The following NLGN1 variants were observed in gnomAD, a reference collection of about 807,000 sequenced individuals.
NLGN1 encodes the protein neuroligin 1.
NLGN1 carries 12 observed loss-of-function variants against 65.5 expected under a neutral mutation model. That is an observed-to-expected ratio of 0.18 (90% confidence interval 0.12 to 0.30). The LOEUF is 0.30. NLGN1 is among the 10% of genes least tolerant of loss of function. The pLI, the probability that NLGN1 is intolerant of heterozygous loss-of-function variation, is 1.00. For synonymous variants in NLGN1, 350 were observed against 359.5 expected (o/e 0.97, Z 0.30); for missense variants, 750 against 1,007.1 (o/e 0.74, Z 3.46).
intron 4 of NLGN1, among the ~76,000 whole-genome samples, chr3:173,976,091 C>T (rs982221223): frequency 6.6e-6 from 1 of 152,014 alleles, no homozygotes; most frequent in Non-Finnish European, 1.5e-5. Flanking sequence ...GTGGAGATAA[C>T]ATAAATATTC....
chr3:174,242,261 C>A (rs1743023270), intron 4 of NLGN1, among the ~76,000 whole-genome samples: 1 of 151,918 alleles, frequency 6.6e-6, no homozygotes, highest in African/African-American at 2.4e-5. Context: ...AGGCCATGGA[C>A]CGTGCCAGTC....
At chr3:173,737,785 C>A (rs534886909) in intron 3 of NLGN1, among the ~76,000 whole-genome samples, 1 of 152,076 alleles carries the variant, frequency 6.6e-6, no homozygotes, top group African/African-American at 2.4e-5. Context: ...AGTAAAAGTG[C>A]TGCACCATAT....
intron 4 of NLGN1, among the ~76,000 whole-genome samples, chr3:173,930,927 G>T (rs1743970210): frequency 6.6e-6 from 1 of 152,130 alleles, no homozygotes; most frequent in African/African-American, 2.4e-5. Context: ...CCTATAAAGA[G>T]AAAATAGTAC....
rs189968798 is a variant in NLGN1 at position 173,560,100 on chromosome 3, C to T, written c.-320-44179C>T. On this transcript the variant is annotated intron_variant, in intron 2 of 6. Transcript: ENST00000457714. ...CTGGGACTACAGGCGCCTGCCACCACGCCTGGCTAATTTTTTGTATTTTTA... is the reference window on the plus strand; with the variant it reads ...CTGGGACTACAGGCGCCTGCCACCATGCCTGGCTAATTTTTTGTATTTTTA... Among the ~76,000 whole-genome samples the T allele has an allele frequency of 2.8e-3, 421 of 152,106 alleles. 2 individuals carry two copies. The highest frequency in any genetic ancestry group is 9.7e-3 in the African/African-American group (401 of 41,530).
chr3:173,634,406 T>A (rs1239026996), intron 3 of NLGN1, among the ~76,000 whole-genome samples: 1 of 152,160 alleles, frequency 6.6e-6, no homozygotes, highest in African/African-American at 2.4e-5. Flanking sequence ...CTGTGCCTCA[T>A]GTAATATGTT....
At chr3:174,256,269 A>G (rs186766644) in intron 4 of NLGN1, among the ~76,000 whole-genome samples, 1 of 152,364 alleles carries the variant, frequency 6.6e-6, no homozygotes, top group African/African-American at 2.4e-5. Context: ...CAACTTGTCA[A>G]GAGCGCCAAT....
chr3:174,219,067 A>T (rs1388753439), intron 4 of NLGN1, among the ~76,000 whole-genome samples: 1 of 152,102 alleles, frequency 6.6e-6, no homozygotes, highest in African/African-American at 2.4e-5. Flanking sequence ...ACCCAAGTGT[A>T]TTTCAGGCAA....
At chr3:173,442,894 A>G (rs958063401) in intron 2 of NLGN1, among the ~76,000 whole-genome samples, 9 of 152,178 alleles carry the variant, frequency 5.9e-5, no homozygotes, top group African/African-American at 1.9e-4. Flanking sequence ...CACATATTAC[A>G]TATATCTTTT....
At chr3:173,456,152 C>T (rs188664378) in intron 2 of NLGN1, among the ~76,000 whole-genome samples, 3 of 152,176 alleles carry the variant, frequency 2.0e-5, no homozygotes, top group South Asian at 2.1e-4. Context: ...ACCAGATATT[C>T]GGGCACACTT....
intron 3 of NLGN1, among the ~76,000 whole-genome samples, chr3:173,714,131 T>A (rs1769452892): frequency 6.6e-6 from 1 of 152,172 alleles, no homozygotes; most frequent in South Asian, 2.1e-4. Context: ...TATAACAGCG[T>A]CTTTTGAAAA....
chr3:173,403,906 A>G (rs1577295019), intron 1 of NLGN1, among the ~76,000 whole-genome samples: 1 of 152,106 alleles, frequency 6.6e-6, no homozygotes, highest in African/African-American at 2.4e-5. Flanking sequence ...GAATGAATGT[A>G]TGTTTGGAAA....
chr3:174,140,489 A>G (rs1013102463), intron 4 of NLGN1, among the ~76,000 whole-genome samples: 1 of 152,166 alleles, frequency 6.6e-6, no homozygotes, highest in Non-Finnish European at 1.5e-5. Flanking sequence ...AAACCCTAGG[A>G]GACAGGGAAT....
intron 4 of NLGN1, among the ~76,000 whole-genome samples, chr3:173,925,870 G>A (rs2152274044): frequency 6.6e-6 from 1 of 152,030 alleles, no homozygotes; most frequent in Admixed American, 6.6e-5. Context: ...TTAAAAAGTT[G>A]ATTATTTTAA....
intron 4 of NLGN1, among the ~76,000 whole-genome samples, chr3:174,023,384 C>T (rs912918105): frequency 1.4e-4 from 22 of 152,244 alleles, no homozygotes; most frequent in African/African-American, 3.9e-4. Flanking sequence ...ATATATGTAA[C>T]GCTTTTTGGT....
At chr3:173,767,782 T>A (rs1778994399) in intron 3 of NLGN1, among the ~76,000 whole-genome samples, 1 of 152,026 alleles carries the variant, frequency 6.6e-6, no homozygotes, top group South Asian at 2.1e-4. Flanking sequence ...GTTTTATAAT[T>A]TTCTTCAACA....
At chr3:173,451,359 C>T (rs13086865) in intron 2 of NLGN1, among the ~76,000 whole-genome samples, 73,409 of 151,964 alleles carry the variant, frequency 0.48, 20,248 homozygotes, top group East Asian at 0.84. Flanking sequence ...TCAGCAGCGG[C>T]GGCTGCAGAA....
At chr3:173,971,200 G>C (rs1275526035) in intron 4 of NLGN1, among the ~76,000 whole-genome samples, 1 of 152,034 alleles carries the variant, frequency 6.6e-6, no homozygotes, top group East Asian at 1.9e-4. Context: ...AGAGAAAATG[G>C]TGTTACAAAA....
intron 3 of NLGN1, among the ~76,000 whole-genome samples, chr3:173,615,697 T>A (rs909578068): frequency 6.6e-6 from 1 of 151,610 alleles, no homozygotes; most frequent in African/African-American, 2.4e-5. Flanking sequence ...GAGCCCACCT[T>A]AGTTGCTCTG....
At chr3:174,095,656 G>A (rs959357965) in intron 4 of NLGN1, among the ~76,000 whole-genome samples, 31 of 151,706 alleles carry the variant, frequency 2.0e-4, no homozygotes, top group East Asian at 9.7e-4. Flanking sequence ...ATGTAAATGC[G>A]TGTGTATAGA....
Sources: gnomAD v4.1 joint callset for allele counts (sites outside exome capture counted in the v4.1 genomes callset) on GRCh38, gnomAD v4.1.1 for gene constraint, MANE v1.5 for transcripts, NCBI Gene and HGNC (gene_info 2026-07-23, HGNC 2026-07-21) for gene names.